SFTPD: variants seen among roughly 807,000 people sequenced by gnomAD.
The protein encoded by SFTPD is pulmonary surfactant-associated protein D.
Under a neutral mutation model 34.6 loss-of-function variants are expected in SFTPD, and 18 were observed. That is an observed-to-expected ratio of 0.52 (90% CI 0.36 to 0.77). The LOEUF is 0.77. SFTPD is among the 30% of genes least tolerant of loss of function. The pLI is 0.00. For missense variants in SFTPD, 433 were observed against 468.9 expected (o/e 0.92, Z 0.71); for synonymous variants, 155 against 180.9 (o/e 0.86, Z 1.15).
chr10:79,966,432 T>C (rs1205808455), intron 1 of SFTPD, among the ~76,000 whole-genome samples: 1 of 88,254 alleles, frequency 1.1e-5, no homozygotes, highest in Non-Finnish European at 2.0e-5. Context: ...ATGGGGTTGT[T>C]TGTTTTTTTC....
Position 79,940,744 on chromosome 10 carries a change from C to G in SFTPD, c.712G>C (p.Val238Leu). Residue 238 changes from valine to leucine, a missense_variant, in exon 7 of 8, where the codon GTA becomes CTA. Coordinates refer to ENST00000372292, the MANE Select transcript of SFTPD (RefSeq NM_003019.5). ...GAGAAAGCAGCCTGGAGGTGCTGTA[C>G]TTGTCCCTGTAAGGCCTCAACCTGC... ...RQQVEALQGQ[V>L]QHLQAAFSQY... 1 of 1,612,542 alleles carries G rather than the reference C, an allele frequency of 6.2e-7. No individual in the cohort carries two copies. Among genetic ancestry groups the G allele is most frequent in the South Asian group, 1.1e-5 (1 of 91,008 alleles).
chr10:79,947,266 G>C (rs927602695), intron 1 of SFTPD, among the ~76,000 whole-genome samples: 1 of 152,188 alleles, frequency 6.6e-6, no homozygotes, highest in Non-Finnish European at 1.5e-5. Context: ...GCCATTCCTC[G>C]AGCAGGTGCT....
chr10:79,961,598 C>CAG (rs1842772969), intron 1 of SFTPD, among the ~76,000 whole-genome samples: 1 of 152,292 alleles, frequency 6.6e-6, no homozygotes, highest in East Asian at 1.9e-4. Context: ...AGTGAGATAC[C>CAG]ATCTCACACC....
At chr10:79,951,326 T>G (rs1403752421), upstream of SFTPD, among the ~76,000 whole-genome samples, 2 of 152,220 alleles carry the variant, frequency 1.3e-5, no homozygotes, top group African/African-American at 2.4e-5. Flanking sequence ...TACTTCTTAC[T>G]TTTGAACTTA....
chr10:79,943,446 C>T (rs1251536452), intron 2 of SFTPD, among the ~76,000 whole-genome samples: 1 of 152,042 alleles, frequency 6.6e-6, no homozygotes, highest in Admixed American at 6.6e-5. Flanking sequence ...ATGAAGTGTC[C>T]CTCATCTCAT....
At chr10:79,950,772 T>C (rs1589337690), upstream of SFTPD, 1 of 152,184 alleles carries the variant, frequency 6.6e-6, no homozygotes, top group South Asian at 2.1e-4. Flanking sequence ...CTCAAATAGG[T>C]TTTCCAAGCT....
intron 1 of SFTPD, chr10:79,981,858 ACCAGAGGCAG>A (rs1470536153): frequency 4.2e-6 from 1 of 239,316 alleles, no homozygotes; most frequent in Non-Finnish European, 8.1e-6. Context: ...CAGAACCTAA[ACCAGAGGCAG>A]CCACACGGAC....
intron 1 of SFTPD, chr10:79,970,393 T>C (rs902192965): frequency 6.6e-6 from 1 of 152,194 alleles, no homozygotes; most frequent in South Asian, 2.1e-4. Flanking sequence ...GGATTATTTT[T>C]TCTACTTCTG....
intron 1 of SFTPD, among the ~76,000 whole-genome samples, chr10:79,975,449 C>T (rs1042379247): frequency 3.9e-5 from 6 of 152,126 alleles, no homozygotes; most frequent in African/African-American, 1.4e-4. Context: ...TCCAAGCTCC[C>T]CTTCTTACTC....
At chr10:79,942,165 G>T in intron 4 of SFTPD, 95 bp from the exon 5 acceptor site, 3 of 902,714 alleles carry the variant, frequency 3.3e-6, no homozygotes, top group South Asian at 3.0e-5. Flanking sequence ...CAACTTTAGG[G>T]TCAGAGAGAG....
chr10:79,942,230 A>G (rs1842620611), intron 4 of SFTPD, among the ~76,000 whole-genome samples, 158 bp downstream of exon 4: 1 of 152,078 alleles, frequency 6.6e-6, no homozygotes, highest in Non-Finnish European at 1.5e-5. Context: ...GTGAGAGGAA[A>G]ATATTGCAGT....
rs539763395 is a variant in SFTPD, at chr10:79,946,614, G to A, written c.46C>T (p.Leu16=). The A allele has an allele frequency of 2.6e-5, 42 of 1,614,236 alleles. No individual in the cohort carries two copies. In the East Asian group the frequency reaches 8.7e-4, roughly 33 times the overall value. ...LSALVLLTQP[L]GYLEAEMKTY... ...TTCATTTCTGCTTCCAGGTAGCCCA[G>A]GGGCTGTGTGAGCAGGACCAGTGCA... is the stretch of plus-strand genomic sequence containing the variant. Residue 16 remains leucine (L), a synonymous_variant, in exon 2 of 8, where the codon CTG becomes TTG. Coordinates refer to ENST00000372292, the MANE Select transcript of SFTPD (RefSeq NM_003019.5).
intron 1 of SFTPD, among the ~76,000 whole-genome samples, chr10:79,961,905 C>G: frequency 6.6e-6 from 1 of 150,540 alleles, no homozygotes; most frequent in African/African-American, 2.5e-5. Flanking sequence ...AAATGTCCAA[C>G]AATGATAGAC....
At chr10:79,967,712 T>A (rs1443133603) in intron 1 of SFTPD, among the ~76,000 whole-genome samples, 1 of 152,038 alleles carries the variant, frequency 6.6e-6, no homozygotes, top group Non-Finnish European at 1.5e-5. Flanking sequence ...ATGTCAGGCC[T>A]CTGAGCCCAG....
At chr10:79,940,649 A>G (rs772201866) in intron 7 of SFTPD, 56 bp downstream of exon 7, 3 of 1,167,252 alleles carry the variant, frequency 2.6e-6, no homozygotes, top group Non-Finnish European at 3.8e-6. Flanking sequence ...CAAGGTCAAG[A>G]TCTAGTGTGG....
chr10:79,953,422 GT>G (rs3084853), upstream of SFTPD, among the ~76,000 whole-genome samples: 66,911 of 144,290 alleles, frequency 0.46, 15,333 homozygotes, highest in Admixed American at 0.51. Context: ...TGACAGGTGG[GT>G]TTTTTTTTTT....
At chr10:79,960,370 T>C (rs1283663647) in intron 1 of SFTPD, among the ~76,000 whole-genome samples, 4 of 151,784 alleles carry the variant, frequency 2.6e-5, no homozygotes, top group African/African-American at 9.7e-5. Flanking sequence ...TGTTTGCAGA[T>C]GGCATGATTG....
chr10:79,972,024 C>G (rs1842837435), intron 1 of SFTPD: 1 of 152,184 alleles, frequency 6.6e-6, no homozygotes, highest in Admixed American at 6.5e-5. Flanking sequence ...ATTTCAGACC[C>G]TGTTTGACAT....
intron 1 of SFTPD, among the ~76,000 whole-genome samples, chr10:79,960,848 AG>A (rs1349080258): frequency 2.0e-5 from 3 of 152,216 alleles, no homozygotes; most frequent in Non-Finnish European, 2.9e-5. Context: ...GTCAACCCTA[AG>A]CCAAAAGAAC....
Sources: gnomAD v4.1 joint callset for allele counts (sites outside exome capture counted in the v4.1 genomes callset) on GRCh38, gnomAD v4.1.1 for gene constraint, MANE v1.5 for transcripts, NCBI Gene and HGNC (gene_info 2026-07-23, HGNC 2026-07-21) for gene names.